SCAI: variants seen among roughly 807,000 people sequenced by gnomAD.
SCAI encodes the protein suppressor of cancer cell invasion, also known as protein SCAI.
SCAI carries 24 observed loss-of-function variants against 92.2 expected under a neutral mutation model. The ratio of observed to expected loss-of-function variants is 0.26; its 90% CI spans 0.19 to 0.37. The LOEUF (loss-of-function observed/expected upper bound fraction) is 0.37, where lower values mean the gene tolerates loss of function less well. SCAI is among the 10% of genes least tolerant of loss of function. SCAI has a pLI of 1.00. For missense variants in SCAI, 450 were observed against 736.2 expected, an observed-to-expected ratio of 0.61 and a Z score of 4.50; for synonymous variants, 261 against 258.6, an observed-to-expected ratio of 1.01 and a Z score of -0.09.
At chr9:125,093,366 T>TA (rs1416204867) in intron 2 of SCAI, among the ~76,000 whole-genome samples, 7 of 151,708 alleles carry the variant, frequency 4.6e-5, no homozygotes, top group South Asian at 2.1e-4. Context: ...ATCTCAAAAA[T>TA]AAAAAAATCA....
chr9:125,020,110 C>T (rs1204496371), intron 7 of SCAI, among the ~76,000 whole-genome samples: 3 of 150,830 alleles, frequency 2.0e-5, no homozygotes, highest in African/African-American at 7.3e-5. Context: ...CCCACAAAAC[C>T]CAAAAAACCA....
Position 124,949,429 on chromosome 9 carries a change from G to A in SCAI, c.*3378C>T, listed in dbSNP as rs1370155540. The A allele has an allele frequency of 6.6e-6, 1 of 152,210 alleles. No homozygotes were observed. Among genetic ancestry groups the A allele is most frequent in the East Asian group, 1.9e-4 (1 of 5,198 alleles). 9.4% of individuals were successfully genotyped at this position (152,210 alleles called of 1,614,324 possible). On this transcript the variant is annotated 3_prime_UTR_variant, in exon 18 of 18. Coordinates refer to ENST00000336505, the MANE Select transcript of SCAI (RefSeq NM_001144877.3). The surrounding 1 kb of genome is among the most constrained non-coding windows in gnomAD (Gnocchi z 4.0). ...AAAGGCAAAGTGTTCATGCAAATGT[G>A]ACCTTCCTAATGAAGCCTACCCTGA...
At chr9:125,048,359 A>G (rs1051616960) in intron 3 of SCAI, among the ~76,000 whole-genome samples, 2 of 152,172 alleles carry the variant, frequency 1.3e-5, no homozygotes, top group South Asian at 2.1e-4. Context: ...GGCAAGTCCA[A>G]TTCTTCTGGT....
chr9:124,976,613 T>A (rs1204614252), intron 14 of SCAI, among the ~76,000 whole-genome samples: 1 of 152,102 alleles, frequency 6.6e-6, no homozygotes, highest in Non-Finnish European at 1.5e-5. Context: ...ACTGCTCTCA[T>A]GGAATGACAT....
At chr9:125,047,700 C>A (rs372453868) in intron 3 of SCAI, among the ~76,000 whole-genome samples, 1 of 152,150 alleles carries the variant, frequency 6.6e-6, no homozygotes, top group Non-Finnish European at 1.5e-5. Flanking sequence ...AGCAAACAGC[C>A]ACACATGGCT....
chr9:125,042,860 T>TTGG (rs1833354167), intron 3 of SCAI, among the ~76,000 whole-genome samples: 1 of 47,674 alleles, frequency 2.1e-5, no homozygotes, highest in African/African-American at 7.0e-5. Context: ...CTCCCTGGCT[T>TTGG]TTTTTTTTTT....
intron 2 of SCAI, among the ~76,000 whole-genome samples, chr9:125,140,538 A>T (rs1835642993): frequency 6.6e-6 from 1 of 152,072 alleles, no homozygotes; most frequent in African/African-American, 2.4e-5. Context: ...AGGAAAAAGT[A>T]AGTGAAAATA....
chr9:124,978,524 C>T (rs12343671), intron 14 of SCAI, among the ~76,000 whole-genome samples: 81,808 of 152,082 alleles, frequency 0.54, 22,763 homozygotes, highest in Non-Finnish European at 0.58. Context: ...TGGGGAAATA[C>T]TCATATGTAG....
At chr9:125,041,635 T>G (rs1359140814) in intron 3 of SCAI, among the ~76,000 whole-genome samples, 2 of 152,186 alleles carry the variant, frequency 1.3e-5, no homozygotes, top group African/African-American at 4.8e-5. Flanking sequence ...GAACAGGACT[T>G]CGTACGCAGG....
intron 7 of SCAI, among the ~76,000 whole-genome samples, 199 bp downstream of exon 7, chr9:125,020,474 T>G (rs1157438903): frequency 6.6e-6 from 1 of 152,206 alleles, no homozygotes; most frequent in Non-Finnish European, 1.5e-5. Flanking sequence ...ATCAAGATAA[T>G]TATCTCAGAT....
At chr9:125,000,493 T>A (rs1313102651) in intron 12 of SCAI, among the ~76,000 whole-genome samples, 1 of 145,058 alleles carries the variant, frequency 6.9e-6, no homozygotes, top group Admixed American at 6.9e-5. Context: ...TACAAAAAAA[T>A]TTTAAAAATT....
chr9:125,012,596 C>T (rs2131059478), intron 9 of SCAI, among the ~76,000 whole-genome samples: 1 of 152,210 alleles, frequency 6.6e-6, no homozygotes, highest in Non-Finnish European at 1.5e-5. Context: ...TTTAACACCC[C>T]ACTGTCAACA....
intron 2 of SCAI, among the ~76,000 whole-genome samples, chr9:125,122,115 T>C (rs895104607): frequency 6.6e-6 from 1 of 152,216 alleles, no homozygotes; most frequent in Non-Finnish European, 1.5e-5. Flanking sequence ...GTGAACTATA[T>C]GTGAAAAGAC....
At chr9:124,989,901 A>G (rs1393862730) in intron 14 of SCAI, among the ~76,000 whole-genome samples, 1 of 151,194 alleles carries the variant, frequency 6.6e-6, no homozygotes, top group Non-Finnish European at 1.5e-5. Flanking sequence ...AAGGCCAGGC[A>G]CGATGGCTCA....
intron 2 of SCAI, among the ~76,000 whole-genome samples, chr9:125,105,186 T>A (rs1773077498): frequency 6.6e-6 from 1 of 151,786 alleles, no homozygotes; most frequent in Non-Finnish European, 1.5e-5. Flanking sequence ...ACTTTAAGAA[T>A]TAGCTGGGCA....
At chr9:125,039,599 A>G (rs1833278772) in intron 3 of SCAI, among the ~76,000 whole-genome samples, 1 of 152,110 alleles carries the variant, frequency 6.6e-6, no homozygotes, top group African/African-American at 2.4e-5. Flanking sequence ...AGGCAATTAG[A>G]TGTGAGTTCA....
At chr9:125,040,588 T>G (rs1156750707) in intron 3 of SCAI, among the ~76,000 whole-genome samples, 1 of 152,126 alleles carries the variant, frequency 6.6e-6, no homozygotes, top group Non-Finnish European at 1.5e-5. Flanking sequence ...ATCTTCCTGA[T>G]GAACATTTAT....
intron 2 of SCAI, among the ~76,000 whole-genome samples, chr9:125,097,913 A>C (rs938946508): frequency 1.3e-5 from 2 of 151,756 alleles, no homozygotes; most frequent in Non-Finnish European, 2.9e-5. Flanking sequence ...ATATTCTTAC[A>C]TATATAAGAA....
At position 124,946,623 on chromosome 9, in the gene SCAI, T is replaced by C. The variant is rs1457922609; in HGVS notation, c.*6184A>G. The C allele has an allele frequency of 3.3e-5, 5 of 152,360 alleles. No individual in the cohort carries two copies. The East Asian group carries it at 9.6e-4, about 29-fold the overall frequency. 9.4% of individuals were successfully genotyped at this position (152,360 alleles called of 1,614,324 possible). A position where few individuals can be genotyped will look rare whatever the true frequency, so the allele number is the denominator to read the frequency against. ...AACTGAAGTAACCAAACATTGATAC[T>C]TGGCAACATTCTATAGGTTCACAAA... On this transcript the variant is annotated 3_prime_UTR_variant, in exon 18 of 18. Coordinates refer to ENST00000336505, the MANE Select transcript of SCAI (RefSeq NM_001144877.3). The surrounding 1 kb of genome is among the most constrained non-coding windows in gnomAD (Gnocchi z 4.0).
Sources: gnomAD v4.1 joint callset for allele counts (sites outside exome capture counted in the v4.1 genomes callset) on GRCh38, gnomAD v4.1.1 for gene constraint, Gnocchi (gnomAD v3.1) non-coding constraint, MANE v1.5 for transcripts, NCBI Gene and HGNC (gene_info 2026-07-23, HGNC 2026-07-21) for gene names.